The following NRG3 variants were observed in gnomAD, a reference collection of about 807,000 sequenced individuals.
The protein encoded by NRG3 is neuregulin 3, also known as pro-neuregulin-3, membrane-bound isoform.
In NRG3, 31 loss-of-function variants were observed where a neutral mutation model predicts 66.9. The observed-to-expected ratio is 0.46, with a 90% CI of 0.35 to 0.63. The LOEUF is 0.63. Among genes scored for constraint, NRG3 ranks in the 20% least tolerant of loss-of-function variants. The pLI, the probability that NRG3 is intolerant of heterozygous loss-of-function variation, is 0.00. For synonymous variants in NRG3, 393 were observed against 359.4 expected (o/e 1.09, Z -1.06); for missense variants, 910 against 878.9 (o/e 1.04, Z -0.45).
chr10:82,956,704 C>T (rs1207202561), intron 5 of NRG3, among the ~76,000 whole-genome samples: 1 of 151,878 alleles, frequency 6.6e-6, no homozygotes, highest in Non-Finnish European at 1.5e-5. Context: ...GAGACATGCA[C>T]TCTTACTTTT....
At chr10:82,764,914 C>G (rs2059462079) in intron 3 of NRG3, among the ~76,000 whole-genome samples, 1 of 151,948 alleles carries the variant, frequency 6.6e-6, no homozygotes, top group Non-Finnish European at 1.5e-5. Flanking sequence ...AAGGTTCCTG[C>G]CATGCTCCTT....
At chr10:82,447,187 C>T (rs556624719) in intron 2 of NRG3, among the ~76,000 whole-genome samples, 1 of 152,338 alleles carries the variant, frequency 6.6e-6, no homozygotes, top group East Asian at 1.9e-4. Context: ...ATGGATGCTT[C>T]TCCCAAATTA....
intron 2 of NRG3, among the ~76,000 whole-genome samples, chr10:82,575,178 A>G (rs1052922032): frequency 3.3e-5 from 5 of 151,752 alleles, no homozygotes; most frequent in African/African-American, 9.7e-5. Context: ...TACACAAGAA[A>G]TATATACATT....
At chr10:82,833,187 C>G (rs1390978893) in intron 3 of NRG3, among the ~76,000 whole-genome samples, 1 of 152,092 alleles carries the variant, frequency 6.6e-6, no homozygotes, top group Non-Finnish European at 1.5e-5. Flanking sequence ...CATCTAATGC[C>G]TAAAAATATA....
chr10:82,940,007 A>G (rs558645096), intron 4 of NRG3, among the ~76,000 whole-genome samples: 17 of 152,130 alleles, frequency 1.1e-4, no homozygotes, highest in Middle Eastern at 3.4e-3. Context: ...CATTAGCCAC[A>G]TACAACTATC....
chr10:82,541,766 C>CG (rs1013967896), intron 2 of NRG3, among the ~76,000 whole-genome samples: 1 of 152,028 alleles, frequency 6.6e-6, no homozygotes, highest in African/African-American at 2.4e-5. Flanking sequence ...GGGTGGTCTC[C>CG]GCCCTTAATC....
At chr10:82,400,714 T>G (rs1471840135) in intron 2 of NRG3, among the ~76,000 whole-genome samples, 1 of 151,872 alleles carries the variant, frequency 6.6e-6, no homozygotes, top group Non-Finnish European at 1.5e-5. Flanking sequence ...ACAATAGGCA[T>G]GCACCACCAC....
chr10:82,138,248 T>G (rs2069508866), intron 1 of NRG3, among the ~76,000 whole-genome samples: 1 of 152,178 alleles, frequency 6.6e-6, no homozygotes, highest in Non-Finnish European at 1.5e-5. Flanking sequence ...CCAGACTTAT[T>G]TGAAAACATT....
chr10:82,677,724 G>A (rs898079790), intron 2 of NRG3, among the ~76,000 whole-genome samples: 1 of 152,148 alleles, frequency 6.6e-6, no homozygotes, highest in Non-Finnish European at 1.5e-5. Flanking sequence ...AGAGACTGAG[G>A]CAGGTTTTAG....
intron 2 of NRG3, among the ~76,000 whole-genome samples, chr10:82,702,292 G>A (rs2055944653): frequency 6.6e-6 from 1 of 152,072 alleles, no homozygotes. Flanking sequence ...AAATATAGAA[G>A]ACTGAAGTTT....
intron 3 of NRG3, among the ~76,000 whole-genome samples, chr10:82,790,468 C>T (rs998695321): frequency 3.9e-5 from 6 of 151,994 alleles, no homozygotes; most frequent in African/African-American, 7.3e-5. Flanking sequence ...AAATCATATG[C>T]GATGACTCCT....
chr10:82,164,317 G>A (rs1440477677), intron 1 of NRG3, among the ~76,000 whole-genome samples: 1 of 151,994 alleles, frequency 6.6e-6, no homozygotes, highest in Admixed American at 6.6e-5. Flanking sequence ...AGGATATTTA[G>A]GATATTCATC....
intron 2 of NRG3, among the ~76,000 whole-genome samples, chr10:82,728,083 G>A (rs564092320): frequency 3.3e-5 from 5 of 152,170 alleles, no homozygotes; most frequent in African/African-American, 1.2e-4. Context: ...AACTAATTTG[G>A]TTTTGATTTT....
At chr10:82,929,097 C>T (rs1372371851) in intron 4 of NRG3, among the ~76,000 whole-genome samples, 1 of 152,102 alleles carries the variant, frequency 6.6e-6, no homozygotes, top group Non-Finnish European at 1.5e-5. Flanking sequence ...TCGTTTTATC[C>T]TAGAAATGGT....
At position 81,875,284 on chromosome 10, in the gene NRG3, G is replaced by T; in HGVS notation, c.-57G>T. 1 of 977,308 alleles carries T rather than the reference G, an allele frequency of 1.0e-6. No individual in the cohort carries two copies. The highest frequency in any genetic ancestry group is 4.6e-5 in the South Asian group (1 of 21,812). 60.5% of individuals were successfully genotyped at this position (977,308 alleles called of 1,614,324 possible). A position where few individuals can be genotyped will look rare whatever the true frequency, so the allele number is the denominator to read the frequency against. On this transcript the variant is annotated 5_prime_UTR_variant, in exon 1 of 9. Coordinates refer to ENST00000372141, the MANE Select transcript of NRG3 (RefSeq NM_001010848.4). The surrounding 1 kb of genome is among the most constrained non-coding windows in gnomAD (Gnocchi z 5.3). ...GCCCGCGCCCGCGCCCGGCCCGCGC[G>T]GCCCCATGCCTCTGCCGCGGCCCTC...
intron 2 of NRG3, among the ~76,000 whole-genome samples, chr10:82,691,418 C>T (rs2054917964): frequency 6.6e-6 from 1 of 152,134 alleles, no homozygotes; most frequent in Admixed American, 6.5e-5. Flanking sequence ...AACCAGCTGC[C>T]TCCCCTGCCA....
At chr10:82,252,126 C>T (rs1393387629) in intron 1 of NRG3, among the ~76,000 whole-genome samples, 3 of 152,202 alleles carry the variant, frequency 2.0e-5, no homozygotes, top group Admixed American at 2.0e-4. Context: ...TCTCAAGACC[C>T]CTTTTCTCTA....
chr10:82,718,294 C>A (rs1225284520), intron 2 of NRG3, among the ~76,000 whole-genome samples: 3 of 152,128 alleles, frequency 2.0e-5, no homozygotes, highest in Non-Finnish European at 1.5e-5. Flanking sequence ...CCTGTGCAAT[C>A]AATTGTCTTT....
chr10:82,082,439 GTTAAGGTTATCGTC>G (rs1214516413), intron 1 of NRG3, among the ~76,000 whole-genome samples: 1 of 152,194 alleles, frequency 6.6e-6, no homozygotes, highest in Non-Finnish European at 1.5e-5. Flanking sequence ...TCAAGGAAGT[GTTAAGGTTATCGTC>G]TTATGCTAGA....
Sources: gnomAD v4.1 joint callset for allele counts (sites outside exome capture counted in the v4.1 genomes callset) on GRCh38, gnomAD v4.1.1 for gene constraint, Gnocchi (gnomAD v3.1) non-coding constraint, MANE v1.5 for transcripts, NCBI Gene and HGNC (gene_info 2026-07-23, HGNC 2026-07-21) for gene names.